The following SEPTIN9 variants were observed in gnomAD, a reference collection of about 807,000 sequenced individuals.
SEPTIN9 encodes the protein septin-9.
In SEPTIN9, 13 loss-of-function variants were observed where a neutral mutation model predicts 56.6. That is an observed-to-expected ratio of 0.23 (90% CI 0.15 to 0.37). The LOEUF is 0.37. Ranked by LOEUF, SEPTIN9 falls within the 10% of genes least tolerant of loss-of-function variation. The pLI is 1.00. For missense variants in SEPTIN9, 650 were observed against 823.1 expected, an observed-to-expected ratio of 0.79 and a Z score of 2.57; for synonymous variants, 332 against 334.1, an observed-to-expected ratio of 0.99 and a Z score of 0.07.
intron 2 of SEPTIN9, chr17:77,379,996 C>G (rs2035079539): frequency 6.4e-6 from 1 of 155,766 alleles, no homozygotes. Context: ...AACACAGTCC[C>G]AGAAGTGGGA....
chr17:77,347,821 T>C (rs1046811080), intron 2 of SEPTIN9, among the ~76,000 whole-genome samples: 7 of 152,168 alleles, frequency 4.6e-5, no homozygotes, highest in African/African-American at 1.7e-4. Flanking sequence ...AGTCAACACT[T>C]TATTATAAAA....
At chr17:77,351,345 C>T (rs1292282093) in intron 2 of SEPTIN9, among the ~76,000 whole-genome samples, 1 of 152,144 alleles carries the variant, frequency 6.6e-6, no homozygotes, top group African/African-American at 2.4e-5. Flanking sequence ...CTGTAGGCCC[C>T]ACCTTTGGCA....
At chr17:77,486,539 T>C (rs1323286683) in intron 4 of SEPTIN9, among the ~76,000 whole-genome samples, 2 of 139,652 alleles carry the variant, frequency 1.4e-5, no homozygotes, top group African/African-American at 2.8e-5. Context: ...CGCGCGCGCG[T>C]GTTATATGTG....
chr17:77,488,998 A>G (rs568657010), intron 7 of SEPTIN9, 134 bp downstream of exon 7: 6 of 1,169,006 alleles, frequency 5.1e-6, no homozygotes, highest in South Asian at 1.5e-5. Flanking sequence ...GCCGCCAGCT[A>G]TGAAGTTGGG....
chr17:77,338,297 G>A (rs534977126), intron 2 of SEPTIN9, among the ~76,000 whole-genome samples: 2 of 151,828 alleles, frequency 1.3e-5, no homozygotes, highest in East Asian at 3.9e-4. Flanking sequence ...AATCATCTGA[G>A]CCTTCAGCAA....
In SEPTIN9 at chr17:77,481,383, G is replaced by A. The variant is rs374314375; in HGVS notation, c.722-761G>A. On this transcript the variant is annotated intron_variant, in intron 3 of 11. Coordinates refer to ENST00000427177, the MANE Select transcript of SEPTIN9 (RefSeq NM_001113491.2). ...ACGGCCGCCTGGGTCAGTCCAGGGGGAGGCAGATGTGGTGCAGGGGCCCCC... is the reference window on the plus strand; with the variant it reads ...ACGGCCGCCTGGGTCAGTCCAGGGGAAGGCAGATGTGGTGCAGGGGCCCCC... Among the ~76,000 whole-genome samples the A allele has an allele frequency of 8.1e-5, 12 of 148,098 alleles. No homozygotes were observed. The East Asian group carries it at 1.4e-3, about 17-fold the overall frequency.
intron 10 of SEPTIN9, chr17:77,493,324 G>C (rs2040115253): frequency 1.9e-6 from 1 of 533,186 alleles, no homozygotes; most frequent in Admixed American, 3.2e-5. Context: ...ACAGGAGCTG[G>C]GATGGGGGCC....
At chr17:77,321,732 T>C (rs2032942699) in intron 2 of SEPTIN9, among the ~76,000 whole-genome samples, 1 of 151,950 alleles carries the variant, frequency 6.6e-6, no homozygotes, top group African/African-American at 2.4e-5. Flanking sequence ...GTGGAGCGGG[T>C]GTGTGTTGTG....
chr17:77,367,025 A>AG lies in SEPTIN9; in HGVS notation c.77-35034_77-35033insG, dbSNP rs1302183354. On this transcript the variant is annotated intron_variant, in intron 2 of 11. Coordinates refer to ENST00000427177, the MANE Select transcript of SEPTIN9 (RefSeq NM_001113491.2). This position sits in a 1 kb window ranked among gnomAD's most constrained non-coding sequence, Gnocchi z 4.5. ...GGGGGATCACTGGGAAGTCTGGGGA[A>AG]CAGATTGGTCATGTGCTTCTTTGAG... Among the ~76,000 whole-genome samples, 35 of 152,352 alleles carry AG rather than the reference A, an allele frequency of 2.3e-4. No individual in the cohort carries two copies. The highest frequency in any genetic ancestry group is 3.4e-3 in the Middle Eastern group (1 of 294).
Position 77,450,071 on chromosome 17 carries a change from C to T in SEPTIN9, c.722-32073C>T, listed in dbSNP as rs911229648. ...ACACTCCCCCGGCTCTGGCCTGGCG[C>T]CCGGAGACCAGTAGCAGCAGCTCCC... On this transcript the variant is annotated intron_variant, in intron 3 of 11. Transcript: ENST00000427177. This position sits in a 1 kb window ranked among gnomAD's most constrained non-coding sequence, Gnocchi z 6.0. Among the ~76,000 whole-genome samples, 1 of 152,210 alleles carries T rather than the reference C, an allele frequency of 6.6e-6. No homozygotes were observed. The highest frequency in any genetic ancestry group is 1.5e-5 in the Non-Finnish European group (1 of 68,044).
chr17:77,497,542 C>T (rs1038132266), intron 11 of SEPTIN9, 176 bp downstream of exon 11: 7 of 658,090 alleles, frequency 1.1e-5, no homozygotes, highest in Non-Finnish European at 1.9e-5. Flanking sequence ...AGAAAACCCA[C>T]TGGGAAATGA....
At chr17:77,392,745 G>A (rs144564543) in intron 2 of SEPTIN9, among the ~76,000 whole-genome samples, 120 of 152,254 alleles carry the variant, frequency 7.9e-4, no homozygotes, top group Admixed American at 3.5e-3. Flanking sequence ...GGCTCTCTAA[G>A]GAGGGAGCGC....
chr17:77,474,782 T>A (rs1300888688), intron 3 of SEPTIN9, among the ~76,000 whole-genome samples: 1 of 152,244 alleles, frequency 6.6e-6, no homozygotes, highest in Non-Finnish European at 1.5e-5. Context: ...GGTCTCGGTT[T>A]CCTTATCTGT....
chr17:77,481,644 G>A (rs750581180), intron 3 of SEPTIN9, among the ~76,000 whole-genome samples: 18 of 152,220 alleles, frequency 1.2e-4, no homozygotes, highest in Non-Finnish European at 4.4e-5. Flanking sequence ...GTCTTGGCTC[G>A]TGGATCGGCT....
intron 3 of SEPTIN9, among the ~76,000 whole-genome samples, chr17:77,481,147 G>A (rs1020061271): frequency 2.3e-4 from 35 of 152,360 alleles, no homozygotes; most frequent in Non-Finnish European, 3.4e-4. Context: ...CTCAGCAGGC[G>A]TCTTCCGGGC....
At chr17:77,297,607 C>G (rs2031874578) in intron 1 of SEPTIN9, among the ~76,000 whole-genome samples, 2 of 152,234 alleles carry the variant, frequency 1.3e-5, no homozygotes. Flanking sequence ...ACTGTTGGCA[C>G]AAGCCATCGT....
At chr17:77,392,111 C>T (rs1397742480) in intron 2 of SEPTIN9, among the ~76,000 whole-genome samples, 2 of 152,176 alleles carry the variant, frequency 1.3e-5, no homozygotes, top group Non-Finnish European at 2.9e-5. Flanking sequence ...TTTCTCTTGG[C>T]CTCAGCCGAA....
rs766605516 is a variant in SEPTIN9 at position 77,475,649 on chromosome 17, C to G, written c.722-6495C>G. 3.7e-6 allele frequency: 6 copies of G among 1,613,668 alleles called. No individual in the cohort carries two copies. The highest frequency in any genetic ancestry group is 2.2e-5 in the East Asian group (1 of 44,882). ...GAGGCTGCTCCAGTGTGCATTGTTACGAGGCAAAGTAAGGAGACTGCTGGG... is the reference window on the plus strand; with the variant it reads ...GAGGCTGCTCCAGTGTGCATTGTTAGGAGGCAAAGTAAGGAGACTGCTGGG... On this transcript the variant is annotated intron_variant, in intron 3 of 11. Coordinates refer to ENST00000427177, the MANE Select transcript of SEPTIN9 (RefSeq NM_001113491.2). This position sits in a 1 kb window ranked among gnomAD's most constrained non-coding sequence, Gnocchi z 4.6.
In SEPTIN9 at chr17:77,405,428, T is replaced by G. The variant is rs935197143; in HGVS notation, c.721+2725T>G. Among the ~76,000 whole-genome samples, 15 of 152,150 alleles carry G rather than the reference T, an allele frequency of 9.9e-5. No individual in the cohort carries two copies. Among genetic ancestry groups the G allele is most frequent in the Admixed American group, 7.9e-4 (12 of 15,282 alleles). On this transcript the variant is annotated intron_variant, in intron 3 of 11. Coordinates refer to ENST00000427177, the MANE Select transcript of SEPTIN9 (RefSeq NM_001113491.2). The surrounding 1 kb of genome is among the most constrained non-coding windows in gnomAD (Gnocchi z 5.8). ...CAGAGCTGCCAGGAACCTGGCGCTC[T>G]GGGGGGACGGTGGCTTTCTCCATGG... is the stretch of plus-strand genomic sequence containing the variant.
Sources: gnomAD v4.1 joint callset for allele counts (sites outside exome capture counted in the v4.1 genomes callset) on GRCh38, gnomAD v4.1.1 for gene constraint, Gnocchi (gnomAD v3.1) non-coding constraint, MANE v1.5 for transcripts, NCBI Gene and HGNC (gene_info 2026-07-23, HGNC 2026-07-21) for gene names.